PTPN12: variants seen among roughly 807,000 people sequenced by gnomAD.
The protein encoded by PTPN12 is protein tyrosine phosphatase non-receptor type 12, also known as tyrosine-protein phosphatase non-receptor type 12.
In PTPN12, 29 loss-of-function variants were observed where a neutral mutation model predicts 97.6. The observed-to-expected ratio is 0.30, with a 90% CI of 0.22 to 0.41. The LOEUF (loss-of-function observed/expected upper bound fraction) is 0.41. PTPN12 is among the 10% of genes least tolerant of loss of function. PTPN12 has a pLI of 1.00. For synonymous variants in PTPN12, 327 were observed against 300.4 expected (o/e 1.09, Z -0.91); for missense variants, 819 against 926.0 (o/e 0.88, Z 1.50).
chr7:77,561,638 T>A (rs1807999098), intron 1 of PTPN12, among the ~76,000 whole-genome samples: 1 of 152,190 alleles, frequency 6.6e-6, no homozygotes, highest in Non-Finnish European at 1.5e-5. Flanking sequence ...GAATTCTGAA[T>A]CTCTGCTACT....
Position 77,556,312 on chromosome 7 carries a change from C to T in PTPN12, c.100-14766C>T, listed in dbSNP as rs1054413488. Among the ~76,000 whole-genome samples, 4 of 152,110 alleles carry T rather than the reference C, an allele frequency of 2.6e-5. No homozygotes were observed. In the South Asian group the frequency reaches 6.2e-4, roughly 24 times the overall value. On this transcript the variant is annotated intron_variant, in intron 1 of 17. Coordinates refer to ENST00000248594, the MANE Select transcript of PTPN12 (RefSeq NM_002835.4). ...TCCTGGGCTGAAGAGACCTGCCTAC[C>T]TCTGCCTCCCAAAGTGCTGGGATTA...
chr7:77,605,562 G>A (rs1475876913), intron 8 of PTPN12, among the ~76,000 whole-genome samples: 1 of 148,936 alleles, frequency 6.7e-6, no homozygotes, highest in African/African-American at 2.5e-5. Context: ...TGGGATTACA[G>A]GCGCCCACTA....
intron 1 of PTPN12, among the ~76,000 whole-genome samples, chr7:77,538,482 G>A (rs893011251): frequency 2.0e-5 from 3 of 152,022 alleles, no homozygotes; most frequent in Admixed American, 6.6e-5. Context: ...CTGGTGGGGC[G>A]GAGGCGACGC....
At chr7:77,583,690 T>G in intron 4 of PTPN12, 40 bp downstream of exon 4, 1 of 1,287,182 alleles carries the variant, frequency 7.8e-7, no homozygotes, top group South Asian at 1.3e-5. Context: ...TGAGAAATAC[T>G]TATGTAATAA....
intron 8 of PTPN12, among the ~76,000 whole-genome samples, chr7:77,605,564 C>T (rs190767885): frequency 4.7e-5 from 7 of 147,962 alleles, no homozygotes; most frequent in Admixed American, 1.4e-4. Context: ...GGATTACAGG[C>T]GCCCACTACC....
At chr7:77,588,603 A>C (rs532928480) in intron 5 of PTPN12, among the ~76,000 whole-genome samples, 1 of 152,220 alleles carries the variant, frequency 6.6e-6, no homozygotes, top group Non-Finnish European at 1.5e-5. Flanking sequence ...ATACCGATAT[A>C]CTTGCTTGGT....
chr7:77,638,533 C>T (rs931742267), intron 16 of PTPN12, 91 bp from the exon 17 acceptor site: 1 of 1,353,902 alleles, frequency 7.4e-7, no homozygotes, highest in Non-Finnish European at 9.5e-7. Flanking sequence ...TTTCTCTTTT[C>T]ATGCTTGCCA....
At chr7:77,589,963 A>G (rs1045112580) in intron 5 of PTPN12, among the ~76,000 whole-genome samples, 10 of 152,232 alleles carry the variant, frequency 6.6e-5, no homozygotes, top group Non-Finnish European at 1.2e-4. Flanking sequence ...GTGTCTTATT[A>G]GTAATAGATT....
At chr7:77,604,792 C>T (rs1433474049) in intron 8 of PTPN12, 7 of 291,160 alleles carry the variant, frequency 2.4e-5, no homozygotes, top group Non-Finnish European at 4.1e-5. Context: ...ATGTTTATAT[C>T]ATATATATAT....
At chr7:77,634,038 TAAC>T (rs1789498265) in intron 14 of PTPN12, among the ~76,000 whole-genome samples, 1 of 151,722 alleles carries the variant, frequency 6.6e-6, no homozygotes, top group Admixed American at 6.6e-5. Context: ...AAAATAATAA[TAAC>T]AACAAAAAAT....
At chr7:77,637,150 A>G (rs1789623498) in intron 16 of PTPN12, 102 bp downstream of exon 16, 1 of 927,316 alleles carries the variant, frequency 1.1e-6, no homozygotes, top group Non-Finnish European at 1.6e-6. Flanking sequence ...TTATTTCTGT[A>G]TGTGAAAATG....
At chr7:77,607,205 T>G in intron 8 of PTPN12, 30 bp from the exon 9 acceptor site, 1 of 1,505,760 alleles carries the variant, frequency 6.6e-7, no homozygotes, top group Non-Finnish European at 9.0e-7. Flanking sequence ...ATCACAAAAA[T>G]CAATTGTTTT....
At chr7:77,628,376 T>G (rs1789277088) in intron 13 of PTPN12, among the ~76,000 whole-genome samples, 1 of 152,184 alleles carries the variant, frequency 6.6e-6, no homozygotes. Flanking sequence ...TTTGATCTGC[T>G]GAAAGTAATG....
At chr7:77,594,692 C>T (rs1440573685) in intron 6 of PTPN12, among the ~76,000 whole-genome samples, 2 of 152,002 alleles carry the variant, frequency 1.3e-5, no homozygotes, top group Non-Finnish European at 2.9e-5. Context: ...TTTGTAGAGA[C>T]GAGGTCTCCC....
intron 9 of PTPN12, among the ~76,000 whole-genome samples, chr7:77,609,892 A>C (rs923150055): frequency 7.3e-6 from 1 of 136,756 alleles, no homozygotes; most frequent in African/African-American, 2.6e-5. Context: ...AAAAAAAAAC[A>C]ACAAAAAAAA....
intron 1 of PTPN12, among the ~76,000 whole-genome samples, chr7:77,553,851 A>ATTT (rs145024940): frequency 5.3e-4 from 77 of 145,238 alleles, no homozygotes; most frequent in East Asian, 3.8e-3. Context: ...CTTTGTTCCT[A>ATTT]TTTTTTTTTT....
chr7:77,591,343 C>A (rs1371940618), intron 5 of PTPN12, among the ~76,000 whole-genome samples: 1 of 152,140 alleles, frequency 6.6e-6, no homozygotes, highest in Non-Finnish European at 1.5e-5. Flanking sequence ...TTTATTGGGC[C>A]TTGATACAAA....
At chr7:77,603,574 CT>C (rs1788256443) in intron 8 of PTPN12, among the ~76,000 whole-genome samples, 1 of 152,136 alleles carries the variant, frequency 6.6e-6, no homozygotes, top group African/African-American at 2.4e-5. Flanking sequence ...CAACCTCCGC[CT>C]CAACTATTTT....
intron 1 of PTPN12, chr7:77,545,918 C>T (rs1807196601): frequency 1.3e-5 from 2 of 151,950 alleles, no homozygotes; most frequent in African/African-American, 4.8e-5. Flanking sequence ...CCTCAGAAAG[C>T]TTCCCTTTTA....
Sources: allele counts gnomAD v4.1 joint callset (sites outside exome capture counted in the v4.1 genomes callset), GRCh38; gene constraint gnomAD v4.1.1; transcripts MANE v1.5; gene names NCBI Gene and HGNC (gene_info 2026-07-23, HGNC 2026-07-21).